The following HECW2 variants were observed in gnomAD, a reference collection of about 807,000 sequenced individuals.
HECW2 encodes the protein HECT, C2 and WW domain containing E3 ubiquitin protein ligase 2, also known as E3 ubiquitin-protein ligase HECW2.
HECW2 carries 61 observed loss-of-function variants against 175.2 expected under a neutral mutation model. The ratio of observed to expected loss-of-function variants is 0.35; its 90% CI spans 0.28 to 0.43. HECW2 has a LOEUF of 0.43. Among genes scored for constraint, HECW2 ranks in the 20% least tolerant of loss-of-function variants. The pLI is 1.00. For missense variants in HECW2, 1,524 were observed against 2,000.5 expected (o/e 0.76, Z 4.54); for synonymous variants, 671 against 731.0 (o/e 0.92, Z 1.32).
rs372792917 is a variant in HECW2, at chr2:196,587,293, A to G, written c.-36+6215T>C. Among the ~76,000 whole-genome samples, 3 of 152,384 alleles carry G rather than the reference A, an allele frequency of 2.0e-5. No homozygotes were observed. The East Asian group carries it at 5.8e-4, about 29-fold the overall frequency. On this transcript the variant is annotated intron_variant, in intron 1 of 28. Transcript: ENST00000644978. Reference sequence around the variant, plus strand: ...TCATGCCACTATTGGACAAAGTTTCATAACAGGCAACGATTACGGATTCAT... The same window carrying G: ...TCATGCCACTATTGGACAAAGTTTCGTAACAGGCAACGATTACGGATTCAT...
chr2:196,389,171 T>G (rs1222406093), intron 2 of HECW2, among the ~76,000 whole-genome samples: 1 of 152,168 alleles, frequency 6.6e-6, no homozygotes, highest in Non-Finnish European at 1.5e-5. Context: ...CATATCTGAT[T>G]TCTCTCTTTA....
At chr2:196,337,184 A>C (rs1692578428) in intron 3 of HECW2, among the ~76,000 whole-genome samples, 2 of 152,188 alleles carry the variant, frequency 1.3e-5, no homozygotes, top group African/African-American at 4.8e-5. Context: ...TTTGATTAAT[A>C]TATTTGAATA....
chr2:196,469,403 G>A (rs1487620606), intron 1 of HECW2, among the ~76,000 whole-genome samples: 3 of 152,024 alleles, frequency 2.0e-5, no homozygotes, highest in Middle Eastern at 3.2e-3. Flanking sequence ...CAAAAGGAGG[G>A]AAATGCAACT....
At chr2:196,388,445 A>G (rs1438106983) in intron 2 of HECW2, among the ~76,000 whole-genome samples, 3 of 152,204 alleles carry the variant, frequency 2.0e-5, no homozygotes, top group Admixed American at 6.5e-5. Context: ...ATGTAAATTT[A>G]TTTAATCCTA....
chr2:196,566,074 A>AT (rs1690176560), intron 1 of HECW2, among the ~76,000 whole-genome samples: 1 of 152,148 alleles, frequency 6.6e-6, no homozygotes, highest in African/African-American at 2.4e-5. Flanking sequence ...TATGCTAAGA[A>AT]TATCTTGCCA....
chr2:196,520,917 T>C lies in HECW2; in HGVS notation c.-36+72591A>G, dbSNP rs190388835. Among the ~76,000 whole-genome samples, 16 of 152,034 alleles carry C rather than the reference T, an allele frequency of 1.1e-4. No individual in the cohort carries two copies. In the East Asian group the frequency reaches 2.9e-3, roughly 28 times the overall value. On this transcript the variant is annotated intron_variant, in intron 1 of 28. Transcript: ENST00000644978. ...TATTTATAAGGTCAGAAAAAATAAA[T>C]AAAGAGAGCTAGCTCAAACAGTATG...
intron 1 of HECW2, among the ~76,000 whole-genome samples, chr2:196,528,383 A>G (rs1434062805): frequency 6.6e-6 from 1 of 152,206 alleles, no homozygotes; most frequent in Non-Finnish European, 1.5e-5. Context: ...AAATTACATA[A>G]AAACAACATT....
intron 24 of HECW2, among the ~76,000 whole-genome samples, chr2:196,221,412 T>A (rs1342992020): frequency 6.6e-6 from 1 of 152,174 alleles, no homozygotes. Context: ...ATATTAATTA[T>A]AAACTGGTAT....
At chr2:196,584,611 C>T (rs1221485589) in intron 1 of HECW2, among the ~76,000 whole-genome samples, 2 of 151,752 alleles carry the variant, frequency 1.3e-5, no homozygotes, top group Admixed American at 6.6e-5. Context: ...ACCTAAATCA[C>T]TGCATTAGGT....
chr2:196,386,261 T>C (rs898803679), intron 2 of HECW2, among the ~76,000 whole-genome samples: 1 of 152,016 alleles, frequency 6.6e-6, no homozygotes, highest in African/African-American at 2.4e-5. Flanking sequence ...GTGTATAGGA[T>C]GGTTATAAGT....
chr2:196,387,812 T>C (rs1575489556), intron 2 of HECW2, among the ~76,000 whole-genome samples: 1 of 151,928 alleles, frequency 6.6e-6, no homozygotes, highest in East Asian at 1.9e-4. Context: ...GGTAAGAAAA[T>C]AACATGCCAA....
chr2:196,430,863 A>G (rs1175617020), intron 2 of HECW2, among the ~76,000 whole-genome samples: 2 of 152,170 alleles, frequency 1.3e-5, no homozygotes, highest in Non-Finnish European at 2.9e-5. Context: ...AAAAATAAAA[A>G]CAGAAAAAAT....
chr2:196,228,245 G>A lies in HECW2; in HGVS notation c.3774C>T (p.Tyr1258=). The change falls in exon 22 of 29, where the codon TAC becomes TAT. Residue 1258 remains tyrosine, a synonymous_variant. Transcript: ENST00000644978. ...AGAAAAACTCTCTAGAAGGCCCACT[G>A]TAATCCAGCCTGTAACAAAAATCCA... ...VTFVGEEGLD[Y]SGPSREFFFL... is the part of the protein sequence containing the mutation. The A allele has an allele frequency of 6.3e-7, 1 of 1,597,642 alleles. No individual in the cohort carries two copies. The highest frequency in any genetic ancestry group is 1.4e-5 in the African/African-American group (1 of 73,978).
At chr2:196,253,813 G>C in intron 19 of HECW2, 107 bp downstream of exon 19, 1 of 998,658 alleles carries the variant, frequency 1.0e-6, no homozygotes. Flanking sequence ...TAACACCAAA[G>C]ATGTACCTGA....
intron 1 of HECW2, among the ~76,000 whole-genome samples, chr2:196,575,865 C>T (rs1690543142): frequency 6.6e-6 from 1 of 152,198 alleles, no homozygotes; most frequent in East Asian, 1.9e-4. Context: ...ACAACCACCT[C>T]TTGCATGAAC....
At chr2:196,250,777 T>C (rs1284010149) in intron 19 of HECW2, among the ~76,000 whole-genome samples, 1 of 152,176 alleles carries the variant, frequency 6.6e-6, no homozygotes, top group Non-Finnish European at 1.5e-5. Context: ...TCCTGTGTCC[T>C]CTGCACATGT....
At chr2:196,271,668 T>C (rs549323584) in intron 16 of HECW2, among the ~76,000 whole-genome samples, 1 of 152,070 alleles carries the variant, frequency 6.6e-6, no homozygotes, top group Non-Finnish European at 1.5e-5. Context: ...ACTTTCAGAG[T>C]CTGAGTTGGG....
chr2:196,278,828 C>T (rs1461645654), intron 14 of HECW2, 166 bp from the exon 15 acceptor site: 1 of 684,636 alleles, frequency 1.5e-6, no homozygotes, highest in Non-Finnish European at 2.4e-6. Context: ...CAGGACAGAT[C>T]AGATTAGAGA....
chr2:196,215,249 T>C (rs1291475493), intron 28 of HECW2, among the ~76,000 whole-genome samples: 1 of 152,226 alleles, frequency 6.6e-6, no homozygotes, highest in Non-Finnish European at 1.5e-5. Context: ...GACGTTGTAA[T>C]AAGGCTTGAG....
Sources: allele counts gnomAD v4.1 joint callset (sites outside exome capture counted in the v4.1 genomes callset), GRCh38; gene constraint gnomAD v4.1.1; transcripts MANE v1.5; gene names NCBI Gene and HGNC (gene_info 2026-07-23, HGNC 2026-07-21).